Variants in TMEM51 observed in about 807,000 individuals in gnomAD.
The protein encoded by TMEM51 is transmembrane protein 51, also known as chromosome 1 open reading frame 72.
In TMEM51, 8 loss-of-function variants were observed where a neutral mutation model predicts 13.6. The observed-to-expected ratio is 0.59, with a 90% CI of 0.35 to 1.07. The LOEUF (loss-of-function observed/expected upper bound fraction) is 1.07, where lower values mean the gene tolerates loss of function less well. TMEM51 is among the 50% of genes least tolerant of loss of function. The pLI is 0.02. For synonymous variants in TMEM51, 147 were observed against 144.4 expected (o/e 1.02, Z -0.13); for missense variants, 279 against 330.7 (o/e 0.84, Z 1.21).
intron 1 of TMEM51, among the ~76,000 whole-genome samples, chr1:15,188,901 G>A (rs1643864356): frequency 6.6e-6 from 1 of 152,162 alleles, no homozygotes; most frequent in Admixed American, 6.5e-5. Context: ...TTTGTTGAAT[G>A]GATGTCTGGA....
rs1644274943 is a variant in TMEM51 at position 15,207,677 on chromosome 1, T to C, written c.-266-2813T>C. On this transcript the variant is annotated intron_variant, in intron 1 of 3. Transcript: ENST00000376008. This position sits in a 1 kb window ranked among gnomAD's most constrained non-coding sequence, Gnocchi z 4.6. ...TGTGCACACGAGTGGAAAGAGCCTC[T>C]GCCCAGCGTGGAGCGGTGAGGCTAA... Among the ~76,000 whole-genome samples the C allele has an allele frequency of 6.6e-6, 1 of 152,226 alleles. No individual in the cohort carries two copies. The highest frequency in any genetic ancestry group is 2.1e-4 in the South Asian group (1 of 4,834).
At position 15,207,291 on chromosome 1, in the gene TMEM51, C is replaced by T. The variant is rs1249887996; in HGVS notation, c.-266-3199C>T. Among the ~76,000 whole-genome samples, 2 of 152,306 alleles carry T rather than the reference C, an allele frequency of 1.3e-5. No individual in the cohort carries two copies. The highest frequency in any genetic ancestry group is 1.9e-4 in the East Asian group (1 of 5,186). On this transcript the variant is annotated intron_variant, in intron 1 of 3. Coordinates refer to ENST00000376008, the MANE Select transcript of TMEM51 (RefSeq NM_001136218.2). The surrounding 1 kb of genome is among the most constrained non-coding windows in gnomAD (Gnocchi z 4.6). Reference sequence around the variant, plus strand: ...TGGGCGCTTCTGCAACTGCACCTTCCGGGGCCACAGCACAGAACTCAGTGG... The same window carrying T: ...TGGGCGCTTCTGCAACTGCACCTTCTGGGGCCACAGCACAGAACTCAGTGG...
At chr1:15,167,062 T>G (rs1643030785) in intron 1 of TMEM51, among the ~76,000 whole-genome samples, 1 of 152,072 alleles carries the variant, frequency 6.6e-6, no homozygotes, top group Non-Finnish European at 1.5e-5. Context: ...GTGCGGTGGC[T>G]CACGCCTGTA....
At chr1:15,168,260 A>G (rs6677061) in intron 1 of TMEM51, among the ~76,000 whole-genome samples, 15,864 of 152,220 alleles carry the variant, frequency 0.1, 1,080 homozygotes, top group Non-Finnish European at 0.15. Context: ...TGGTCTGTCA[A>G]GCATTCTCTG....
chr1:15,166,462 G>A (rs1643002053), intron 1 of TMEM51, among the ~76,000 whole-genome samples: 1 of 152,314 alleles, frequency 6.6e-6, no homozygotes, highest in Non-Finnish European at 1.5e-5. Flanking sequence ...GGCTCACACT[G>A]TAATCCCAGC....
chr1:15,189,754 G>C (rs1484370805), intron 1 of TMEM51, among the ~76,000 whole-genome samples: 3 of 152,200 alleles, frequency 2.0e-5, no homozygotes, highest in Non-Finnish European at 4.4e-5. Flanking sequence ...CATGCAAAAT[G>C]TCCAGCTCAG....
intron 1 of TMEM51, among the ~76,000 whole-genome samples, chr1:15,199,883 G>C (rs765061201): frequency 1.3e-5 from 2 of 152,142 alleles, no homozygotes; most frequent in African/African-American, 2.4e-5. Context: ...CTGCGAAGTG[G>C]GGACCGTAGC....
At chr1:15,158,117 A>G (rs114261519) in intron 1 of TMEM51, among the ~76,000 whole-genome samples, 2,185 of 152,100 alleles carry the variant, frequency 0.014, 55 homozygotes, top group African/African-American at 0.051. Context: ...TCAACTCGTC[A>G]TTACAGTGCC....
intron 1 of TMEM51, among the ~76,000 whole-genome samples, chr1:15,194,430 G>A (rs1428659941): frequency 6.6e-6 from 1 of 152,204 alleles, no homozygotes; most frequent in African/African-American, 2.4e-5. Context: ...GCCCCGCATT[G>A]TCCATCAGTC....
intron 1 of TMEM51, among the ~76,000 whole-genome samples, chr1:15,202,755 T>C (rs2100318581): frequency 6.6e-6 from 1 of 152,316 alleles, no homozygotes; most frequent in South Asian, 2.1e-4. Flanking sequence ...AAGGCACTTT[T>C]TCCATATAGG....
chr1:15,158,149 TG>T (rs113596222), intron 1 of TMEM51, among the ~76,000 whole-genome samples: 19,457 of 152,222 alleles, frequency 0.13, 1,511 homozygotes, highest in South Asian at 0.18. Flanking sequence ...TGAGATAATG[TG>T]AGTGACTTCA....
At chr1:15,209,005 G>A (rs1222867276) in intron 1 of TMEM51, among the ~76,000 whole-genome samples, 1 of 152,056 alleles carries the variant, frequency 6.6e-6, no homozygotes, top group Non-Finnish European at 1.5e-5. Flanking sequence ...ACCCTTCACT[G>A]TTCGCCTCCC....
intron 1 of TMEM51, among the ~76,000 whole-genome samples, chr1:15,186,885 A>C (rs527240883): frequency 9.4e-4 from 143 of 152,212 alleles, no homozygotes; most frequent in Non-Finnish European, 1.7e-3. Context: ...GGTCCAGACC[A>C]AGCAGAAAGT....
intron 1 of TMEM51, among the ~76,000 whole-genome samples, chr1:15,158,477 T>G (rs1192768017): frequency 6.6e-6 from 1 of 152,172 alleles, no homozygotes; most frequent in Non-Finnish European, 1.5e-5. Context: ...CCCATCCAAG[T>G]GCCGCCACCC....
At chr1:15,218,361 A>G (rs1644460825) in intron 3 of TMEM51, among the ~76,000 whole-genome samples, 1 of 152,212 alleles carries the variant, frequency 6.6e-6, no homozygotes, top group Non-Finnish European at 1.5e-5. Context: ...CCAGCTGAGC[A>G]TTGGAATAGC....
At chr1:15,210,791 C>A (rs1183657485) in intron 2 of TMEM51, among the ~76,000 whole-genome samples, 1 of 152,182 alleles carries the variant, frequency 6.6e-6, no homozygotes, top group Non-Finnish European at 1.5e-5. Flanking sequence ...AAATTAGCTT[C>A]TTTCCATATT....
In TMEM51 at chr1:15,189,213, C is replaced by CTTTTTTTTTTTTTTTTTTTTTTT. The variant is rs59346950; in HGVS notation, c.-266-21255_-266-21254insTTTTTTTTTTTTTTTTTTTTTTT. 1.2e-4 allele frequency among the ~76,000 whole-genome samples: 11 copies of CTTTTTTTTTTTTTTTTTTTTTTT among 92,850 alleles called. 1 individual carries two copies. Among genetic ancestry groups the CTTTTTTTTTTTTTTTTTTTTTTT allele is most frequent in the South Asian group, 4.2e-4 (1 of 2,358 alleles). The allele number at this position is 92,850 out of a possible 152,430, so 60.9% of individuals were successfully genotyped here. A position where few individuals can be genotyped will look rare whatever the true frequency, so the allele number is the denominator to read the frequency against. The stretch of plus-strand genomic sequence containing the variant: ...CTTCACCACACCCAGCTAATTTTTC[C>CTTTTTTTTTTTTTTTTTTTTTTT]TTTTTTTTTTTTTTTTTTTTTTAGT... On this transcript the variant is annotated intron_variant, in intron 1 of 3. Transcript: ENST00000376008.
rs1308197243 is a variant in TMEM51, at chr1:15,215,441, G to A, written c.344+10G>A. 6.3e-7 allele frequency: 1 copy of A among 1,584,686 alleles called. No homozygotes were observed. Among genetic ancestry groups the A allele is most frequent in the Non-Finnish European group, 8.6e-7 (1 of 1,167,876 alleles). On this transcript the variant is annotated intron_variant, in intron 3 of 3. Transcript: ENST00000376008. ...CCCAGGAGGAAGACAGGTGAGGCCTGACTGTCCCCTTCCCTCCCCGGATCG... is the reference window on the plus strand; with the variant it reads ...CCCAGGAGGAAGACAGGTGAGGCCTAACTGTCCCCTTCCCTCCCCGGATCG...
At chr1:15,204,437 C>A (rs1266620763) in intron 1 of TMEM51, among the ~76,000 whole-genome samples, 1 of 152,206 alleles carries the variant, frequency 6.6e-6, no homozygotes, top group Admixed American at 6.5e-5. Flanking sequence ...GCCTGTAATC[C>A]CAGCTAGTTG....
Sources: allele counts gnomAD v4.1 joint callset (sites outside exome capture counted in the v4.1 genomes callset), GRCh38; gene constraint gnomAD v4.1.1; non-coding constraint Gnocchi (gnomAD v3.1); transcripts MANE v1.5; gene names NCBI Gene and HGNC (gene_info 2026-07-23, HGNC 2026-07-21).